The following EEFSEC variants were observed in gnomAD, a reference collection of about 807,000 sequenced individuals.
The protein encoded by EEFSEC is selenocysteine-specific elongation factor.
Under a neutral mutation model 42.1 loss-of-function variants are expected in EEFSEC, and 43 were observed. The ratio of observed to expected loss-of-function variants is 1.02; its 90% CI spans 0.80 to 1.32. EEFSEC has a LOEUF of 1.32. EEFSEC is among the 40% of genes most tolerant of loss of function. EEFSEC has a pLI of 0.00. For missense variants in EEFSEC, 745 were observed against 803.6 expected, an observed-to-expected ratio of 0.93 and a Z score of 0.88; for synonymous variants, 354 against 339.1, an observed-to-expected ratio of 1.04 and a Z score of -0.48.
intron 1 of EEFSEC, among the ~76,000 whole-genome samples, chr3:128,236,357 C>G (rs1486321566): frequency 1.3e-5 from 2 of 152,160 alleles, no homozygotes; most frequent in Admixed American, 1.3e-4. Context: ...ACTTTGAATT[C>G]TAGCTCCCTA....
At chr3:128,262,833 T>A (rs1258753740) in intron 3 of EEFSEC, among the ~76,000 whole-genome samples, 1 of 152,144 alleles carries the variant, frequency 6.6e-6, no homozygotes, top group Middle Eastern at 3.2e-3. Flanking sequence ...ATGGTGCTGG[T>A]ACTAAGGAAG....
chr3:128,323,719 G>A (rs2067032633), intron 4 of EEFSEC, among the ~76,000 whole-genome samples: 2 of 152,228 alleles, frequency 1.3e-5, no homozygotes, highest in Non-Finnish European at 2.9e-5. Flanking sequence ...CAGAGCTGGA[G>A]CACTTCCTCC....
chr3:128,153,729 G>C lies in EEFSEC; in HGVS notation c.222G>C (p.Ala74=). 5 of 1,555,344 alleles carry C rather than the reference G, an allele frequency of 3.2e-6. No individual in the cohort carries two copies. Among genetic ancestry groups the C allele is most frequent in the Non-Finnish European group, 4.3e-6 (5 of 1,160,256 alleles). ...LRSSLPEFQA[A]PEAEPEPGEP... is the part of the protein sequence containing the mutation. ...CGTCTTTGCCCGAGTTCCAGGCAGCGCCCGAGGCCGAGCCCGAGCCCGGCG... is the reference window on the plus strand; with the variant it reads ...CGTCTTTGCCCGAGTTCCAGGCAGCCCCCGAGGCCGAGCCCGAGCCCGGCG... Residue 74 remains alanine, a synonymous_variant, in exon 1 of 7, where the codon GCG becomes GCC. Coordinates refer to ENST00000254730, the MANE Select transcript of EEFSEC (RefSeq NM_021937.5).
chr3:128,186,024 A>G (rs369874356), intron 1 of EEFSEC, among the ~76,000 whole-genome samples: 2 of 152,086 alleles, frequency 1.3e-5, no homozygotes, highest in African/African-American at 4.8e-5. Flanking sequence ...AAACTTTTTC[A>G]CAGCTGGTAC....
At chr3:128,387,168 G>A (rs1378624616) in intron 6 of EEFSEC, among the ~76,000 whole-genome samples, 1 of 152,190 alleles carries the variant, frequency 6.6e-6, no homozygotes, top group Non-Finnish European at 1.5e-5. Flanking sequence ...CTGGCCGCAG[G>A]GGCTGCAGGG....
intron 4 of EEFSEC, among the ~76,000 whole-genome samples, chr3:128,293,011 A>G (rs1156894822): frequency 6.6e-6 from 1 of 152,180 alleles, no homozygotes; most frequent in Non-Finnish European, 1.5e-5. Flanking sequence ...TATTTCAAAA[A>G]TTTTTACAGA....
chr3:128,349,891 G>T (rs1482320518), intron 5 of EEFSEC, among the ~76,000 whole-genome samples: 1 of 152,212 alleles, frequency 6.6e-6, no homozygotes, highest in East Asian at 1.9e-4. Context: ...TAAACAGTGG[G>T]TATCATCAGT....
At chr3:128,425,564 G>A in the EEFSEC span, among the ~76,000 whole-genome samples, 5 of 152,224 alleles carry the variant, frequency 3.3e-5, no homozygotes, top group Non-Finnish European at 7.3e-5. Flanking sequence ...ACTGCCACGC[G>A]GTTTCCCACC....
chr3:128,345,859 C>T (rs767666979), intron 5 of EEFSEC, among the ~76,000 whole-genome samples: 41 of 152,196 alleles, frequency 2.7e-4, no homozygotes, highest in Non-Finnish European at 4.6e-4. Context: ...TTCATATATT[C>T]GGATGTTTAC....
chr3:128,316,828 G>A (rs577846654), intron 4 of EEFSEC, among the ~76,000 whole-genome samples: 1 of 152,324 alleles, frequency 6.6e-6, no homozygotes, highest in Admixed American at 6.5e-5. Flanking sequence ...TACGACAGCA[G>A]GGAGTTGAGT....
intron 1 of EEFSEC, among the ~76,000 whole-genome samples, chr3:128,182,682 T>C (rs886914251): frequency 1.3e-5 from 2 of 152,220 alleles, no homozygotes; most frequent in Admixed American, 6.5e-5. Flanking sequence ...TGTGTGTACA[T>C]GTCACAGGGT....
the EEFSEC span, among the ~76,000 whole-genome samples, chr3:128,424,352 C>G: frequency 0.2 from 30,451 of 152,082 alleles, 5,901 homozygotes; most frequent in African/African-American, 0.49. Flanking sequence ...TATTACTTAT[C>G]TGGTTTGGGG....
At chr3:128,411,304 T>G (rs1474416126), downstream of EEFSEC, among the ~76,000 whole-genome samples, 1 of 152,180 alleles carries the variant, frequency 6.6e-6, no homozygotes, top group African/African-American at 2.4e-5. Flanking sequence ...CCAAGCTCAC[T>G]GCAGCCACCG....
At chr3:128,420,177 G>A in the EEFSEC span, among the ~76,000 whole-genome samples, 1 of 152,232 alleles carries the variant, frequency 6.6e-6, no homozygotes, top group African/African-American at 2.4e-5. Flanking sequence ...CGCAGAGCAG[G>A]AGAGGGAGGC....
At chr3:128,262,257 G>T in intron 3 of EEFSEC, 33 bp downstream of exon 3, 2 of 1,593,342 alleles carry the variant, frequency 1.3e-6, no homozygotes, top group Non-Finnish European at 1.7e-6. Flanking sequence ...TTGCCCTTTA[G>T]CCCCAGCGCT....
chr3:128,201,320 G>A (rs1484545326), intron 1 of EEFSEC, among the ~76,000 whole-genome samples: 1 of 151,906 alleles, frequency 6.6e-6, no homozygotes, highest in Non-Finnish European at 1.5e-5. Flanking sequence ...ACACATACAG[G>A]ATGGGGCAGA....
At chr3:128,288,917 G>C (rs926445346) in intron 4 of EEFSEC, among the ~76,000 whole-genome samples, 22 of 152,206 alleles carry the variant, frequency 1.4e-4, no homozygotes, top group African/African-American at 5.3e-4. Context: ...TTGGTGCCTG[G>C]AGGTATAGGG....
intron 5 of EEFSEC, among the ~76,000 whole-genome samples, chr3:128,342,663 A>T (rs2067268837): frequency 6.6e-6 from 1 of 152,204 alleles, no homozygotes; most frequent in Admixed American, 6.5e-5. Flanking sequence ...TTGTGCTTTC[A>T]GGGTGGTGCC....
chr3:128,264,901 T>C, intron 4 of EEFSEC, 120 bp downstream of exon 4: 1 of 1,239,214 alleles, frequency 8.1e-7, no homozygotes, highest in Non-Finnish European at 1.1e-6. Flanking sequence ...TCCCACTGCC[T>C]GCTCCGCCCC....
Sources: allele counts gnomAD v4.1 joint callset (sites outside exome capture counted in the v4.1 genomes callset), GRCh38; gene constraint gnomAD v4.1.1; transcripts MANE v1.5; gene names NCBI Gene and HGNC (gene_info 2026-07-23, HGNC 2026-07-21).